The following PSPH variants were observed in gnomAD, a reference collection of about 807,000 sequenced individuals.
The protein encoded by PSPH is L-3-phosphoserine phosphatase.
In PSPH, 16 loss-of-function variants were observed where a neutral mutation model predicts 23.4. That is an observed-to-expected ratio of 0.68 (90% CI 0.46 to 1.04). PSPH has a LOEUF of 1.04. PSPH is among the 50% of genes least tolerant of loss of function. The probability of loss-of-function intolerance (pLI) is 0.00; values close to 1 mark genes in which losing one functional copy is unlikely to be tolerated. For synonymous variants in PSPH, 68 were observed against 99.7 expected, an observed-to-expected ratio of 0.68 and a Z score of 1.89; for missense variants, 223 against 273.7, an observed-to-expected ratio of 0.81 and a Z score of 1.31.
At chr7:56,027,923 G>T (rs1584441474) in intron 3 of PSPH, among the ~76,000 whole-genome samples, 2 of 149,068 alleles carry the variant, frequency 1.3e-5, no homozygotes, top group East Asian at 3.9e-4. Flanking sequence ...GTGGGGCATG[G>T]TGGTGCATGC....
At chr7:56,039,475 G>A (rs143661396) in intron 1 of PSPH, among the ~76,000 whole-genome samples, 3 of 151,938 alleles carry the variant, frequency 2.0e-5, no homozygotes, top group Admixed American at 1.3e-4. Context: ...TTATCAATAC[G>A]TTAAATACCA....
chr7:56,015,099 A>T lies in PSPH; in HGVS notation c.494T>A (p.Leu165Ter), dbSNP rs1471355997. ...SGGKGKVIKL[L>*]KEKFHFKKII... ...TTTCTTAAAATGAAATTTTTCCTTTAAAAGTTTAATCACTTTTCCTTTTCC... is the reference window on the plus strand; with the variant it reads ...TTTCTTAAAATGAAATTTTTCCTTTTAAAGTTTAATCACTTTTCCTTTTCC... Residue 165 changes from leucine to a stop codon, truncating the protein, a stop_gained, in exon 7 of 8, where the codon TTA becomes TAA. Transcript: ENST00000275605. LOFTEE classifies it high-confidence loss of function. 1 of 1,614,080 alleles carries T rather than the reference A, an allele frequency of 6.2e-7. No homozygotes were observed. The highest frequency in any genetic ancestry group is 2.2e-5 in the East Asian group (1 of 44,876).
intron 7 of PSPH, among the ~76,000 whole-genome samples, chr7:56,014,780 C>T (rs574482769): frequency 6.6e-6 from 1 of 152,126 alleles, no homozygotes; most frequent in African/African-American, 2.4e-5. Flanking sequence ...ATTGTCTCTA[C>T]TAAAAATACA....
At chr7:56,034,189 G>A (rs1399176294) in intron 1 of PSPH, 83 bp from the exon 2 acceptor site, 1 of 152,296 alleles carries the variant, frequency 6.6e-6, no homozygotes, top group South Asian at 2.1e-4. Context: ...CTGCAAAGCC[G>A]GGCTGGGAGG....
intron 5 of PSPH, 80 bp from the exon 6 acceptor site, chr7:56,017,459 A>G: frequency 2.6e-6 from 4 of 1,549,122 alleles, no homozygotes; most frequent in Non-Finnish European, 3.5e-6. Flanking sequence ...GAAGAGGGAA[A>G]TAAGATACAT....
chr7:56,035,344 A>T (rs1331841088), intron 1 of PSPH, among the ~76,000 whole-genome samples: 8 of 150,504 alleles, frequency 5.3e-5, no homozygotes, highest in Non-Finnish European at 1.0e-4. Context: ...AACTCCGTTT[A>T]AAAAAAAAAT....
At chr7:56,031,204 C>A (rs541583679) in intron 3 of PSPH, among the ~76,000 whole-genome samples, 1 of 145,932 alleles carries the variant, frequency 6.9e-6, no homozygotes, top group Non-Finnish European at 1.5e-5. Flanking sequence ...GGCGACAGAG[C>A]GAGACTCCGT....
chr7:56,031,213 G>A (rs6954669), intron 3 of PSPH, among the ~76,000 whole-genome samples: 26,492 of 137,956 alleles, frequency 0.19, 2,540 homozygotes, highest in African/African-American at 0.23. Context: ...GCGAGACTCC[G>A]TCTCAAAAAA....
At chr7:56,044,164 A>T (rs1407959087) in intron 1 of PSPH, among the ~76,000 whole-genome samples, 1 of 151,180 alleles carries the variant, frequency 6.6e-6, no homozygotes, top group African/African-American at 2.4e-5. Flanking sequence ...CTGGTCTTGA[A>T]CTCCTGACCT....
intron 1 of PSPH, among the ~76,000 whole-genome samples, chr7:56,039,643 G>T (rs762530384): frequency 1.3e-5 from 2 of 151,334 alleles, no homozygotes; most frequent in African/African-American, 2.4e-5. Flanking sequence ...GGGCATGGTA[G>T]TACGTGCCTG....
chr7:56,031,018 T>C (rs991067351), intron 3 of PSPH, among the ~76,000 whole-genome samples: 1 of 150,270 alleles, frequency 6.7e-6, no homozygotes, highest in Non-Finnish European at 1.5e-5. Flanking sequence ...GAGACCATCC[T>C]GGCTAACAAG....
Position 56,011,754 on chromosome 7 carries a change from A to G in PSPH, c.*8T>C, listed in dbSNP as rs140998795. On this transcript the variant is annotated 3_prime_UTR_variant, in exon 8 of 8. Coordinates refer to ENST00000275605, the MANE Select transcript of PSPH (RefSeq NM_004577.4). ...CTGAAGTTGTTTGGAGCTGTACGAC[A>G]ATGGATGTTATTCTTCCAGTTCTCC... is the stretch of plus-strand genomic sequence containing the variant. The G allele has an allele frequency of 1.4e-3, 2,266 of 1,599,934 alleles. 23 individuals are homozygous for G. The African/African-American group carries it at 0.022, about 16-fold the overall frequency.
chr7:56,021,084 C>T lies in PSPH; in HGVS notation c.129G>A (p.Ala43=), dbSNP rs548513131. 5.2e-5 allele frequency: 84 copies of T among 1,613,790 alleles called. No individual in the cohort carries two copies. The highest frequency in any genetic ancestry group is 4.5e-4 in the African/African-American group (34 of 74,814). ...AATGCTATCCCTACATTTCTGACACCGCGTCCTCAACGCCACAGATTTTGG... is the reference window on the plus strand; with the variant it reads ...AATGCTATCCCTACATTTCTGACACTGCGTCCTCAACGCCACAGATTTTGG... The part of the protein sequence containing the change: ...ELAKICGVED[A]VSEMTRRAMG... Residue 43 remains alanine (A), a synonymous_variant, in exon 4 of 8, where the codon GCG becomes GCA. Transcript: ENST00000275605.
chr7:56,033,535 A>G (rs938729486), intron 2 of PSPH: 61 of 151,318 alleles, frequency 4.0e-4, no homozygotes, highest in Middle Eastern at 3.4e-3. Context: ...AAAAGAAAAG[A>G]AAATATAATA....
intron 1 of PSPH, among the ~76,000 whole-genome samples, chr7:56,045,911 A>C: frequency 6.6e-6 from 1 of 151,550 alleles, no homozygotes; most frequent in Admixed American, 6.6e-5. Context: ...AAAAGAAAGA[A>C]ACAAGTCTCC....
chr7:56,046,668 C>T (rs1237539401), intron 1 of PSPH, among the ~76,000 whole-genome samples: 1 of 152,008 alleles, frequency 6.6e-6, no homozygotes, highest in Non-Finnish European at 1.5e-5. Flanking sequence ...CCTGTAGTCC[C>T]AGCTACTCAA....
chr7:56,046,582 C>T (rs899657828), intron 1 of PSPH, among the ~76,000 whole-genome samples: 9 of 151,842 alleles, frequency 5.9e-5, no homozygotes, highest in Non-Finnish European at 1.0e-4. Context: ...GTCAAGGGTT[C>T]GAGACCAGCC....
chr7:56,024,863 G>T (rs1195384733), intron 3 of PSPH, among the ~76,000 whole-genome samples: 1 of 149,190 alleles, frequency 6.7e-6, no homozygotes, highest in Admixed American at 6.7e-5. Context: ...GAGTGCAGTG[G>T]CACAATCTTG....
chr7:56,030,684 A>T (rs531089063), intron 3 of PSPH, among the ~76,000 whole-genome samples: 1 of 148,852 alleles, frequency 6.7e-6, no homozygotes, highest in South Asian at 2.2e-4. Flanking sequence ...AACTCACTTG[A>T]GATCAAGAGT....
Sources: gnomAD v4.1 joint callset for allele counts (sites outside exome capture counted in the v4.1 genomes callset) on GRCh38, gnomAD v4.1.1 for gene constraint, MANE v1.5 for transcripts, NCBI Gene and HGNC (gene_info 2026-07-23, HGNC 2026-07-21) for gene names.